DYNC2I1: variants seen among roughly 807,000 people sequenced by gnomAD.
The protein encoded by DYNC2I1 is cytoplasmic dynein 2 intermediate chain 1.
DYNC2I1 carries 89 observed loss-of-function variants against 133.4 expected under a neutral mutation model. That is an observed-to-expected ratio of 0.67 (90% CI 0.56 to 0.80). The LOEUF is 0.80. Ranked by LOEUF, DYNC2I1 falls within the 30% of genes least tolerant of loss-of-function variation. The pLI, the probability that DYNC2I1 is intolerant of heterozygous loss-of-function variation, is 0.00. For missense variants in DYNC2I1, 1,291 were observed against 1,314.5 expected (o/e 0.98, Z 0.28); for synonymous variants, 504 against 484.3 (o/e 1.04, Z -0.54).
chr7:158,894,112 T>TATCATACCGCATATCATACC (rs1563126231), intron 8 of DYNC2I1, among the ~76,000 whole-genome samples: 27 of 48,632 alleles, frequency 5.6e-4, no homozygotes, highest in Middle Eastern at 0.011. Context: ...CATATCCTAC[T>TATCATACCGCATATCATACC]GCATATCCTA....
intron 1 of DYNC2I1, among the ~76,000 whole-genome samples, chr7:158,857,589 A>G (rs1331579223): frequency 1.4e-5 from 2 of 142,510 alleles, no homozygotes; most frequent in Admixed American, 7.3e-5. Flanking sequence ...CCAGGCTGGA[A>G]TGCAATGGCA....
At chr7:158,914,705 A>C (rs1425978246) in intron 14 of DYNC2I1, among the ~76,000 whole-genome samples, 3 of 152,226 alleles carry the variant, frequency 2.0e-5, no homozygotes, top group Non-Finnish European at 4.4e-5. Flanking sequence ...AAAATTTTAA[A>C]AATCCATACA....
chr7:158,845,162 T>C, the DYNC2I1 span, among the ~76,000 whole-genome samples: 1 of 152,146 alleles, frequency 6.6e-6, no homozygotes, highest in African/African-American at 2.4e-5. Flanking sequence ...TTGTTGTTGT[T>C]GTTTTACAAA....
intron 1 of DYNC2I1, among the ~76,000 whole-genome samples, chr7:158,864,698 G>T (rs1842245061): frequency 6.6e-6 from 1 of 151,920 alleles, no homozygotes; most frequent in African/African-American, 2.4e-5. Context: ...TGGAGATGGG[G>T]TCTTGCTGTG....
intron 24 of DYNC2I1, among the ~76,000 whole-genome samples, chr7:158,942,516 ATTATT>A (rs891016684): frequency 2.2e-4 from 33 of 152,188 alleles, no homozygotes; most frequent in African/African-American, 7.5e-4. Flanking sequence ...TTAAAGTGTG[ATTATT>A]TTATATTTAG....
chr7:158,882,122 G>T (rs939437806), intron 5 of DYNC2I1, among the ~76,000 whole-genome samples: 1 of 152,184 alleles, frequency 6.6e-6, no homozygotes, highest in Admixed American at 6.5e-5. Flanking sequence ...TTATTCAGAC[G>T]ACTGACATTT....
intron 1 of DYNC2I1, among the ~76,000 whole-genome samples, chr7:158,866,506 T>G: frequency 6.6e-6 from 1 of 152,056 alleles, no homozygotes; most frequent in Non-Finnish European, 1.5e-5. Flanking sequence ...GGGCGTCCCC[T>G]CTCTGGTCAC....
chr7:158,891,058 A>G (rs527934862), intron 7 of DYNC2I1, among the ~76,000 whole-genome samples: 2 of 152,378 alleles, frequency 1.3e-5, no homozygotes, highest in African/African-American at 4.8e-5. Context: ...GCCGAGGCAC[A>G]GAGGGTTGAA....
At chr7:158,877,474 G>C (rs867276313) in intron 4 of DYNC2I1, among the ~76,000 whole-genome samples, 1 of 152,182 alleles carries the variant, frequency 6.6e-6, no homozygotes, top group South Asian at 2.1e-4. Flanking sequence ...GAACTTGCTG[G>C]ATCAAAGTAA....
rs1435777875 is a variant in DYNC2I1 at position 158,945,249 on chromosome 7, G to T, written c.3003-332G>T. The stretch of plus-strand genomic sequence containing the variant: ...GAGATCCAGGGAGGCTGGAGACCAA[G>T]GACGAGGCTCTGATAGATGGGCCTG... On this transcript the variant is annotated intron_variant, in intron 24 of 24. Coordinates refer to ENST00000407559, the MANE Select transcript of DYNC2I1 (RefSeq NM_018051.5). This position sits in a 1 kb window ranked among gnomAD's most constrained non-coding sequence, Gnocchi z 4.1. 6.6e-6 allele frequency among the ~76,000 whole-genome samples: 1 copy of T among 152,092 alleles called. No individual in the cohort carries two copies. Among genetic ancestry groups the T allele is most frequent in the East Asian group, 1.9e-4 (1 of 5,178 alleles).
At chr7:158,908,479 T>C (rs1034284035) in intron 11 of DYNC2I1, among the ~76,000 whole-genome samples, 6 of 152,336 alleles carry the variant, frequency 3.9e-5, no homozygotes, top group Admixed American at 2.0e-4. Flanking sequence ...ATTTGTAAAA[T>C]ATATGATAGA....
chr7:158,943,043 G>C (rs1432180199), intron 24 of DYNC2I1, among the ~76,000 whole-genome samples: 1 of 152,056 alleles, frequency 6.6e-6, no homozygotes, highest in Non-Finnish European at 1.5e-5. Context: ...TTCTCCTACT[G>C]TGAGGGTTCA....
chr7:158,864,704 C>T (rs868366268), intron 1 of DYNC2I1, among the ~76,000 whole-genome samples: 1 of 151,702 alleles, frequency 6.6e-6, no homozygotes, highest in Non-Finnish European at 1.5e-5. Flanking sequence ...TGGGGTCTTG[C>T]TGTGTTGCCC....
At chr7:158,934,336 T>C (rs979361609) in intron 22 of DYNC2I1, 82 bp from the exon 23 acceptor site, 3 of 1,542,124 alleles carry the variant, frequency 1.9e-6, no homozygotes, top group Non-Finnish European at 2.6e-6. Flanking sequence ...TTATAAAGTT[T>C]AAATTGTTTG....
At position 158,922,465 on chromosome 7, in the gene DYNC2I1, C is replaced by A. The variant is rs1273066947; in HGVS notation, c.2010C>A (p.Pro670=). The change falls in exon 16 of 25, where the codon CCC becomes CCA. Residue 670 remains proline (P), a synonymous_variant. Coordinates refer to ENST00000407559, the MANE Select transcript of DYNC2I1 (RefSeq NM_018051.5). The stretch of plus-strand genomic sequence containing the variant: ...ACTTACCCGAGAAGAGCTTTGTGCC[C>A]CTGCTGGACAGCAAATACGTCCTCT... The part of the protein sequence containing the change: ...VHDLPEKSFV[P]LLDSKYVLCV... 1.2e-6 allele frequency: 2 copies of A among 1,613,838 alleles called. No individual in the cohort carries two copies. The highest frequency in any genetic ancestry group is 2.7e-5 in the African/African-American group (2 of 74,884).
rs1563155936 is a variant in DYNC2I1 at position 158,912,969 on chromosome 7, T to G, written c.1591-16T>G. The G allele has an allele frequency of 6.3e-7, 1 of 1,576,986 alleles. No individual in the cohort carries two copies. Among genetic ancestry groups the G allele is most frequent in the Non-Finnish European group, 8.6e-7 (1 of 1,158,146 alleles). Reference sequence around the variant, plus strand: ...ATTGAAACCAATGTTAATTTTGGCATATTTTTGTTTTTAAGGCATATGTTC... The same window carrying G: ...ATTGAAACCAATGTTAATTTTGGCAGATTTTTGTTTTTAAGGCATATGTTC... On this transcript the variant is annotated splice_polypyrimidine_tract_variant and intron_variant, in intron 12 of 24. Coordinates refer to ENST00000407559, the MANE Select transcript of DYNC2I1 (RefSeq NM_018051.5).
chr7:158,890,166 T>C (rs1303605814), intron 7 of DYNC2I1, among the ~76,000 whole-genome samples: 1 of 152,108 alleles, frequency 6.6e-6, no homozygotes, highest in African/African-American at 2.4e-5. Flanking sequence ...TAAGTTTTCT[T>C]ATAGTCACAT....
intron 1 of DYNC2I1, among the ~76,000 whole-genome samples, chr7:158,861,889 C>T (rs1419708532): frequency 6.6e-6 from 1 of 152,194 alleles, no homozygotes; most frequent in East Asian, 1.9e-4. Flanking sequence ...GTCAGTTACA[C>T]AGTCAAGTAA....
chr7:158,915,242 G>A (rs1334990246), intron 14 of DYNC2I1, among the ~76,000 whole-genome samples: 7 of 151,030 alleles, frequency 4.6e-5, no homozygotes, highest in African/African-American at 1.5e-4. Flanking sequence ...TCGACATGCT[G>A]GTTGACATTA....
Sources: gnomAD v4.1 joint callset for allele counts (sites outside exome capture counted in the v4.1 genomes callset) on GRCh38, gnomAD v4.1.1 for gene constraint, Gnocchi (gnomAD v3.1) non-coding constraint, MANE v1.5 for transcripts, NCBI Gene and HGNC (gene_info 2026-07-23, HGNC 2026-07-21) for gene names.